MYOM1: variants seen among roughly 807,000 people sequenced by gnomAD.
MYOM1 encodes myomesin-1.
A neutral mutation model predicts 205.3 loss-of-function variants in MYOM1; 164 were observed. That is an observed-to-expected ratio of 0.80 (90% CI 0.70 to 0.91). The LOEUF (loss-of-function observed/expected upper bound fraction) is 0.91. Ranked by LOEUF, MYOM1 falls within the 40% of genes least tolerant of loss-of-function variation. The pLI is 0.00. For missense variants in MYOM1, 2,011 were observed against 2,127.3 expected (o/e 0.95, Z 1.08); for synonymous variants, 772 against 789.4 (o/e 0.98, Z 0.37).
At chr18:3,137,108 A>G (rs1314756793) in intron 14 of MYOM1, among the ~76,000 whole-genome samples, 24 of 151,420 alleles carry the variant, frequency 1.6e-4, no homozygotes, top group Middle Eastern at 3.4e-3. Flanking sequence ...CCCCCACCAC[A>G]CCTGGCTAAT....
At chr18:3,142,243 T>C (rs2143942568) in intron 13 of MYOM1, among the ~76,000 whole-genome samples, 180 bp from the exon 14 acceptor site, 1 of 152,238 alleles carries the variant, frequency 6.6e-6, no homozygotes, top group South Asian at 2.1e-4. Flanking sequence ...TCAAATGCCA[T>C]TGAGCAGTTG....
At chr18:3,171,660 C>T (rs900135838) in intron 8 of MYOM1, among the ~76,000 whole-genome samples, 1 of 151,526 alleles carries the variant, frequency 6.6e-6, no homozygotes, top group Admixed American at 6.6e-5. Context: ...TTGTTTAGAC[C>T]ATTAAGAATG....
rs1156436252 is a variant in MYOM1 at position 3,090,796 on chromosome 18, T to C, written c.3871A>G (p.Lys1291Glu). Reference sequence around the variant, plus strand: ...CCAGTGTTTCGGTCAATATGCATTTTATATTTCTTCAGTGTGAAAAGAAAA... The same window carrying C: ...CCAGTGTTTCGGTCAATATGCATTTCATATTTCTTCAGTGTGAAAAGAAAA... ...EKEIFEGPKY[K>E]MHIDRNTGII... The change falls in exon 27 of 38, where the codon AAA (lysine) becomes GAA (glutamate). Residue 1291 changes from lysine (K) to glutamate (E), a missense_variant. Physicochemically the swap from Lys to Glu is moderately conservative, Grantham distance 56. Transcript: ENST00000356443. 2 of 1,613,960 alleles carry C rather than the reference T, an allele frequency of 1.2e-6. No homozygotes were observed. The highest frequency in any genetic ancestry group is 1.7e-6 in the Non-Finnish European group (2 of 1,179,854).
At chr18:3,123,827 A>ATTTTTTTTTTTTTTTTTTT (rs5822739) in intron 19 of MYOM1, among the ~76,000 whole-genome samples, 1 of 147,382 alleles carries the variant, frequency 6.8e-6, no homozygotes, top group African/African-American at 2.6e-5. Context: ...ATTTTTATTT[A>ATTTTTTTTTTTTTTTTTTT]TTTATTTTTT....
chr18:3,169,555 T>A (rs568118312), intron 8 of MYOM1, among the ~76,000 whole-genome samples: 1 of 152,212 alleles, frequency 6.6e-6, no homozygotes, highest in East Asian at 1.9e-4. Context: ...TACGGAAAAA[T>A]GCTCAACATC....
intron 1 of MYOM1, among the ~76,000 whole-genome samples, chr18:3,215,596 G>A (rs1860291699): frequency 6.6e-6 from 1 of 152,056 alleles, no homozygotes; most frequent in South Asian, 2.1e-4. Flanking sequence ...GCAAGACACT[G>A]TCTAAAAACA....
At position 3,141,947 on chromosome 18, in the gene MYOM1, C is replaced by T. The variant is rs763030971; in HGVS notation, c.2017G>A (p.Val673Met). Residue 673 changes from valine to methionine, a missense_variant, in exon 14 of 38, where the codon GTG (valine) becomes ATG (methionine). Val to Met is a conservative substitution (Grantham distance 21, BLOSUM62 1). Transcript: ENST00000356443. ...TGATTCTAGAGTCTTACCTTTTCCA[C>T]AAAGTACATAATGCCCTCATGACCA... ...QRGHEGIMYF[V>M]EKCEAGTENW... The T allele has an allele frequency of 9.3e-6, 15 of 1,613,670 alleles. No individual in the cohort carries two copies. Among genetic ancestry groups the T allele is most frequent in the African/African-American group, 1.3e-5 (1 of 74,882 alleles).
chr18:3,155,525 A>C (rs2080290368), intron 10 of MYOM1, among the ~76,000 whole-genome samples: 1 of 152,192 alleles, frequency 6.6e-6, no homozygotes, highest in South Asian at 2.1e-4. Flanking sequence ...CACCCGGCCA[A>C]ATCTTGCTAT....
chr18:3,195,020 T>G (rs1182446258), intron 2 of MYOM1, among the ~76,000 whole-genome samples: 1 of 151,972 alleles, frequency 6.6e-6, no homozygotes, highest in South Asian at 2.1e-4. Context: ...CCAGTTGAAA[T>G]AGAAAAACCT....
chr18:3,226,218 T>C, the MYOM1 span, among the ~76,000 whole-genome samples: 2 of 151,910 alleles, frequency 1.3e-5, no homozygotes, highest in East Asian at 1.9e-4. The surrounding 1 kb of genome is among the most constrained non-coding windows in gnomAD (Gnocchi z 4.6). Context: ...GGTTGGAGAG[T>C]AGAAGTGCTG....
At chr18:3,200,975 T>C (rs983716060) in intron 2 of MYOM1, among the ~76,000 whole-genome samples, 4 of 152,148 alleles carry the variant, frequency 2.6e-5, no homozygotes, top group African/African-American at 9.7e-5. Context: ...GAGAGAAACC[T>C]TGAAAGCATC....
chr18:3,083,917 T>A, intron 32 of MYOM1, 23 bp from the exon 33 acceptor site: 1 of 1,574,520 alleles, frequency 6.4e-7, no homozygotes. Context: ...AATAGCATAT[T>A]TCATACATCT....
chr18:3,247,279 G>GAGCT, the MYOM1 span: 3 of 152,378 alleles, frequency 2.0e-5, no homozygotes, highest in East Asian at 3.9e-4. Context: ...ACTGCACACA[G>GAGCT]AGCTAGCATC....
At chr18:3,098,794 A>G (rs1431996617) in intron 25 of MYOM1, among the ~76,000 whole-genome samples, 1 of 152,202 alleles carries the variant, frequency 6.6e-6, no homozygotes, top group Non-Finnish European at 1.5e-5. Context: ...CACTCATGAT[A>G]TTACTTTTCC....
chr18:3,213,145 G>T (rs1349546928), intron 2 of MYOM1, among the ~76,000 whole-genome samples: 1 of 152,192 alleles, frequency 6.6e-6, no homozygotes, highest in Non-Finnish European at 1.5e-5. Context: ...AGGGATTTCG[G>T]AATTTCTGCC....
At chr18:3,137,170 C>T (rs1460045824) in intron 14 of MYOM1, among the ~76,000 whole-genome samples, 1 of 152,128 alleles carries the variant, frequency 6.6e-6, no homozygotes, top group South Asian at 2.1e-4. Context: ...AGGATGGTCT[C>T]GATCTCCTGA....
At chr18:3,202,168 G>C (rs1417952280) in intron 2 of MYOM1, among the ~76,000 whole-genome samples, 2 of 151,988 alleles carry the variant, frequency 1.3e-5, no homozygotes, top group Non-Finnish European at 2.9e-5. Context: ...TAATTCCTAA[G>C]GCAATCCCTA....
At position 3,100,363 on chromosome 18, in the gene MYOM1, T is replaced by C. The variant is rs558779097; in HGVS notation, c.3639A>G (p.Thr1213=). ...DDLGIYSCDV[T]DTDGIASSYL... is the part of the protein sequence containing the mutation. ...AGCTTGATGCTATTCCATCAGTGTC[T>C]GTTACATCGCAAGAGTAAATACCCA... The change falls in exon 24 of 38, where the codon ACA becomes ACG. Residue 1213 remains threonine, a synonymous_variant. Transcript: ENST00000356443. 107 of 1,614,004 alleles carry C rather than the reference T, an allele frequency of 6.6e-5. 2 individuals carry two copies. The East Asian group carries it at 2.3e-3, about 35-fold the overall frequency.
chr18:3,198,977 T>C (rs910084546), intron 2 of MYOM1, among the ~76,000 whole-genome samples: 2 of 152,032 alleles, frequency 1.3e-5, no homozygotes, highest in African/African-American at 4.8e-5. Context: ...ATATAACACA[T>C]TGTCAAAAAT....
Sources: allele counts gnomAD v4.1 joint callset (sites outside exome capture counted in the v4.1 genomes callset), GRCh38; gene constraint gnomAD v4.1.1; non-coding constraint Gnocchi (gnomAD v3.1); transcripts MANE v1.5; gene names NCBI Gene and HGNC (gene_info 2026-07-23, HGNC 2026-07-21).